The following KDM8 variants were observed in gnomAD, a reference collection of about 807,000 sequenced individuals.
KDM8 encodes lysine demethylase 8.
Under a neutral mutation model 46.9 loss-of-function variants are expected in KDM8, and 35 were observed. The ratio of observed to expected loss-of-function variants is 0.75; its 90% CI spans 0.57 to 0.99. KDM8 has a LOEUF of 0.99. Among genes scored for constraint, KDM8 ranks in the 50% least tolerant of loss-of-function variants. KDM8 has a pLI of 0.00. For missense variants in KDM8, 475 were observed against 537.0 expected, an observed-to-expected ratio of 0.88 and a Z score of 1.14; for synonymous variants, 232 against 227.7, an observed-to-expected ratio of 1.02 and a Z score of -0.17.
rs965028050 is a variant in KDM8, at chr16:27,210,022, G to A, written c.-31-71G>A. 9.7e-6 allele frequency: 14 copies of A among 1,444,990 alleles called. No homozygotes were observed. In the African/African-American group the frequency reaches 2.0e-4, roughly 20 times the overall value. The allele number at this position is 1,444,990 out of a possible 1,614,324, so 89.5% of individuals were successfully genotyped here. On this transcript the variant is annotated intron_variant, in intron 1 of 7. Coordinates refer to ENST00000286096, the MANE Select transcript of KDM8 (RefSeq NM_024773.3). ...AAAAATCCTCGCAGATGAGATGCAG[G>A]AAGCTGCGGGAATGCACAGGGGATC...
Position 27,219,053 on chromosome 16 carries a change from T to G in KDM8, c.936T>G (p.Gly312=). The G allele has an allele frequency of 6.2e-7, 1 of 1,613,750 alleles. No individual in the cohort carries two copies. Among genetic ancestry groups the G allele is most frequent in the Admixed American group, 1.7e-5 (1 of 59,960 alleles). Residue 312 remains glycine (G), a synonymous_variant, in exon 6 of 8, where the codon GGT becomes GGG. Transcript: ENST00000286096. ...EEEITINAWF[G]PQGTISPLHQ... is the part of the protein sequence containing the mutation. Reference sequence around the variant, plus strand: ...AAATCACCATCAATGCCTGGTTTGGTCCCCAGGGAACCATCTCCCCACTAC... The same window carrying G: ...AAATCACCATCAATGCCTGGTTTGGGCCCCAGGGAACCATCTCCCCACTAC...
intron 5 of KDM8, among the ~76,000 whole-genome samples, chr16:27,216,883 C>A (rs1342057387): frequency 1.3e-5 from 2 of 151,696 alleles, no homozygotes; most frequent in African/African-American, 2.4e-5. Flanking sequence ...GGGGGCATGG[C>A]CTCAGTGTGG....
At chr16:27,212,213 T>C (rs1046564727) in intron 2 of KDM8, among the ~76,000 whole-genome samples, 32 of 151,950 alleles carry the variant, frequency 2.1e-4, no homozygotes, top group Admixed American at 4.6e-4. Flanking sequence ...TGCAGGAGAA[T>C]GTTCAGCCTC....
intron 6 of KDM8, 115 bp downstream of exon 6, chr16:27,219,225 A>AT (rs2083589872): frequency 2.6e-6 from 3 of 1,136,356 alleles, no homozygotes. Context: ...GAAGCACTGA[A>AT]GGGGATGAGG....
chr16:27,210,914 C>T lies in KDM8; in HGVS notation c.498+293C>T, dbSNP rs1283470231. Among the ~76,000 whole-genome samples, 3 of 152,284 alleles carry T rather than the reference C, an allele frequency of 2.0e-5. No individual in the cohort carries two copies. In the South Asian group the frequency reaches 6.2e-4, roughly 32 times the overall value. ...AGTAGCTGGAACTATGGGTGCATGG[C>T]ACCACACCCAGCTAATTTTTTTAGT... On this transcript the variant is annotated intron_variant, in intron 2 of 7. Coordinates refer to ENST00000286096, the MANE Select transcript of KDM8 (RefSeq NM_024773.3).
At position 27,220,985 on chromosome 16, in the gene KDM8, A is replaced by G. The variant is rs2140978913; in HGVS notation, c.*255A>G. 2 of 547,178 alleles carry G rather than the reference A, an allele frequency of 3.7e-6. No individual in the cohort carries two copies. The highest frequency in any genetic ancestry group is 3.0e-5 in the Admixed American group (1 of 32,886). The allele number at this position is 547,178 out of a possible 1,614,324, so 33.9% of individuals were successfully genotyped here. ...GGGAGAGCCCAGAAGGACATTGCAG[A>G]CAGACAGCCTGCATGGGGACTCTGG... On this transcript the variant is annotated 3_prime_UTR_variant, in exon 8 of 8. Transcript: ENST00000286096.
In KDM8 at chr16:27,214,911, C is replaced by T; in HGVS notation, c.701C>T (p.Thr234Ile). ...EYIQEIAGCRTVPVEVGSRYT... is the reference protein window; with the variant it reads ...EYIQEIAGCRIVPVEVGSRYT... ...ATCCAGGAGATCGCTGGCTGCCGAA[C>T]TGTCCCAGTGGAAGTTGGTTCGAGG... The change falls in exon 4 of 8, where the codon ACT becomes ATT. Residue 234 changes from threonine to isoleucine, a missense_variant. By Grantham distance (89) the Thr-to-Ile change is moderately conservative. Coordinates refer to ENST00000286096, the MANE Select transcript of KDM8 (RefSeq NM_024773.3). 6.2e-7 allele frequency: 1 copy of T among 1,614,190 alleles called. No homozygotes were observed. The highest frequency in any genetic ancestry group is 8.5e-7 in the Non-Finnish European group (1 of 1,180,020).
rs138847268 is a variant in KDM8 at position 27,205,667 on chromosome 16, G to A, written c.-32+2031G>A. 3.2e-3 allele frequency among the ~76,000 whole-genome samples: 482 copies of A among 152,192 alleles called. 1 individual carries two copies. The highest frequency in any genetic ancestry group is 8.7e-3 in the African/African-American group (361 of 41,528). The stretch of plus-strand genomic sequence containing the variant: ...AGCCTGGGCAACAGAGTGAAACCCC[G>A]TCTCTACTAAAAATAGAAAAACTAG... On this transcript the variant is annotated intron_variant, in intron 1 of 7. Transcript: ENST00000286096.
intron 2 of KDM8, chr16:27,211,255 T>C (rs941360114): frequency 2.2e-6 from 1 of 445,536 alleles, no homozygotes; most frequent in African/African-American, 2.0e-5. Flanking sequence ...CCCGTTTCTT[T>C]CAGCTTCTTG....
In KDM8 at chr16:27,220,787, T is replaced by G; in HGVS notation, c.*57T>G. The G allele has an allele frequency of 6.3e-7, 1 of 1,590,030 alleles. No individual in the cohort carries two copies. The highest frequency in any genetic ancestry group is 1.1e-5 in the South Asian group (1 of 90,482). On this transcript the variant is annotated 3_prime_UTR_variant, in exon 8 of 8. Transcript: ENST00000286096. ...AGACAGCATTCATCTGTTCACTAAT[T>G]TCCTGGGTCCTGGAATCTATAGAGA...
intron 1 of KDM8, chr16:27,203,878 G>A (rs2083399922): frequency 6.7e-6 from 3 of 450,564 alleles, no homozygotes; most frequent in Non-Finnish European, 1.2e-5. Context: ...GCGTATGCTC[G>A]TCTCTTGGCA....
intron 1 of KDM8, among the ~76,000 whole-genome samples, chr16:27,208,945 C>T (rs1026542725): frequency 3.3e-5 from 5 of 152,196 alleles, no homozygotes; most frequent in Non-Finnish European, 5.9e-5. Flanking sequence ...TCATTATAAG[C>T]TCAGCCCTGT....
In KDM8 at chr16:27,214,739, G is replaced by A. The variant is rs370273756; in HGVS notation, c.666-137G>A. ...ACCTCTCCATGCCGGTTCCTCATCA[G>A]TGAAGCTGGGGATGACAGTCCTTGT... On this transcript the variant is annotated intron_variant, in intron 3 of 7. Coordinates refer to ENST00000286096, the MANE Select transcript of KDM8 (RefSeq NM_024773.3). 896 of 929,098 alleles carry A rather than the reference G, an allele frequency of 9.6e-4. 14 individuals carry two copies. In the South Asian group the frequency reaches 0.013, roughly 14 times the overall value. The allele number at this position is 929,098 out of a possible 1,614,324, so 57.6% of individuals were successfully genotyped here.
chr16:27,214,929 G>C lies in KDM8; in HGVS notation c.719G>C (p.Gly240Ala), dbSNP rs1249462165. 1 of 1,614,192 alleles carries C rather than the reference G, an allele frequency of 6.2e-7. No homozygotes were observed. Among genetic ancestry groups the C allele is most frequent in the Non-Finnish European group, 8.5e-7 (1 of 1,180,028 alleles). The change falls in exon 4 of 8, where the codon GGT becomes GCT. Residue 240 changes from glycine to alanine, a missense_variant. Physicochemically the swap from Gly to Ala is moderately conservative, Grantham distance 60. Transcript: ENST00000286096. Reference sequence around the variant, plus strand: ...TGCCGAACTGTCCCAGTGGAAGTTGGTTCGAGGTACACAGATGAGGAATGG... The same window carrying C: ...TGCCGAACTGTCCCAGTGGAAGTTGCTTCGAGGTACACAGATGAGGAATGG... ...AGCRTVPVEVGSRYTDEEWSQ... is the reference protein window; with the variant it reads ...AGCRTVPVEVASRYTDEEWSQ...
At chr16:27,211,357 C>G (rs994226780) in intron 2 of KDM8, 1 of 370,900 alleles carries the variant, frequency 2.7e-6, no homozygotes, top group African/African-American at 2.1e-5. Context: ...CTACAACTAG[C>G]TGATGTCTGT....
rs555612039 is a variant in KDM8 at position 27,214,309 on chromosome 16, CAT to C, written c.665+559_665+560del. ...GCGGAGGGAATGGTACCCGCTGACA[CAT>C]GTGGAGGAATTCTCATTGCAGGAGC... is the stretch of plus-strand genomic sequence containing the variant. On this transcript the variant is annotated intron_variant, in intron 3 of 7. Coordinates refer to ENST00000286096, the MANE Select transcript of KDM8 (RefSeq NM_024773.3). 423 of 157,020 alleles carry C rather than the reference CAT, an allele frequency of 2.7e-3. 2 individuals are homozygous for C. The highest frequency in any genetic ancestry group is 4.7e-3 in the Non-Finnish European group (332 of 70,690). 9.7% of individuals were successfully genotyped at this position (157,020 alleles called of 1,614,324 possible). A position where few individuals can be genotyped will look rare whatever the true frequency, so the allele number is the denominator to read the frequency against.
chr16:27,213,835 A>T (rs1225036731), intron 3 of KDM8, 84 bp downstream of exon 3: 1 of 1,387,348 alleles, frequency 7.2e-7, no homozygotes. Context: ...GACCATCCCC[A>T]GGGAAATGCA....
At chr16:27,219,536 G>A (rs1200333570) in intron 6 of KDM8, among the ~76,000 whole-genome samples, 2 of 152,216 alleles carry the variant, frequency 1.3e-5, no homozygotes, top group Non-Finnish European at 2.9e-5. Flanking sequence ...TTGCTGCAAG[G>A]GGAGGCACCT....
rs1270439960 is a variant in KDM8 at position 27,203,969 on chromosome 16, A to G, written c.-32+333A>G. ...GCGGTTCTTGGCGTCGCGTTGGTGT[A>G]GGCCTAGTGCGCCTGCGCGGGTTTT... On this transcript the variant is annotated intron_variant, in intron 1 of 7. Transcript: ENST00000286096. The G allele has an allele frequency of 7.1e-6, 5 of 704,016 alleles. No individual in the cohort carries two copies. In the African/African-American group the frequency reaches 9.4e-5, roughly 13 times the overall value. 43.6% of individuals were successfully genotyped at this position (704,016 alleles called of 1,614,324 possible).
Sources: gnomAD v4.1 joint callset for allele counts (sites outside exome capture counted in the v4.1 genomes callset) on GRCh38, gnomAD v4.1.1 for gene constraint, MANE v1.5 for transcripts, NCBI Gene and HGNC (gene_info 2026-07-23, HGNC 2026-07-21) for gene names.